GRHL2: variants seen among roughly 807,000 people sequenced by gnomAD.
The protein encoded by GRHL2 is grainyhead-like protein 2 homolog.
Under a neutral mutation model 83.8 loss-of-function variants are expected in GRHL2, and 21 were observed. That is an observed-to-expected ratio of 0.25 (90% CI 0.18 to 0.36). The LOEUF (loss-of-function observed/expected upper bound fraction) is 0.36, where lower values mean the gene tolerates loss of function less well. GRHL2 is among the 10% of genes least tolerant of loss of function. The pLI is 1.00. For synonymous variants in GRHL2, 280 were observed against 278.9 expected, an observed-to-expected ratio of 1.00 and a Z score of -0.04; for missense variants, 623 against 781.8, an observed-to-expected ratio of 0.80 and a Z score of 2.42.
chr8:101,552,013 T>C (rs1382990808), intron 2 of GRHL2, among the ~76,000 whole-genome samples: 1 of 152,002 alleles, frequency 6.6e-6, no homozygotes, highest in African/African-American at 2.4e-5. Context: ...TTTTTTGTAT[T>C]TTTAGTAGAG....
At chr8:101,598,545 A>T (rs1325597880) in intron 7 of GRHL2, among the ~76,000 whole-genome samples, 1 of 150,388 alleles carries the variant, frequency 6.6e-6, no homozygotes, top group Non-Finnish European at 1.5e-5. Flanking sequence ...CGGCCCCAAA[A>T]GGAAATTTTA....
intron 7 of GRHL2, among the ~76,000 whole-genome samples, chr8:101,582,447 T>C (rs762353927): frequency 2.0e-5 from 3 of 152,146 alleles, no homozygotes; most frequent in African/African-American, 4.8e-5. Context: ...CATCTTAGAA[T>C]GGCAGGGAGA....
chr8:101,505,448 A>T (rs1407356206), intron 1 of GRHL2, among the ~76,000 whole-genome samples: 3 of 151,902 alleles, frequency 2.0e-5, no homozygotes, highest in African/African-American at 7.2e-5. Flanking sequence ...GTGGTGGTCC[A>T]TGCCTGTAAT....
chr8:101,535,426 A>C (rs1811024857), intron 1 of GRHL2, among the ~76,000 whole-genome samples: 1 of 152,226 alleles, frequency 6.6e-6, no homozygotes, highest in East Asian at 1.9e-4. Context: ...AAGGCAGGAC[A>C]AAGGCCAGTG....
chr8:101,646,786 C>T (rs1046748754), intron 13 of GRHL2, among the ~76,000 whole-genome samples: 18 of 152,308 alleles, frequency 1.2e-4, no homozygotes, highest in Admixed American at 3.3e-4. Flanking sequence ...GTTGTTCTTG[C>T]GACTATCAGC....
the GRHL2 span, among the ~76,000 whole-genome samples, chr8:101,678,391 GCAC>G: frequency 1.3e-5 from 2 of 151,388 alleles, no homozygotes; most frequent in African/African-American, 4.8e-5. Flanking sequence ...AAAAAACGGC[GCAC>G]CACGAGATTA....
At chr8:101,600,508 C>T (rs779362386) in intron 8 of GRHL2, among the ~76,000 whole-genome samples, 2 of 152,238 alleles carry the variant, frequency 1.3e-5, no homozygotes, top group African/African-American at 4.8e-5. Flanking sequence ...CTAGTGCCTC[C>T]TTATTCCAGC....
rs147549251 is a variant in GRHL2, at chr8:101,575,027, C to T, written c.891+1203C>T. Among the ~76,000 whole-genome samples the T allele has an allele frequency of 2.4e-4, 37 of 152,204 alleles. No homozygotes were observed. In the East Asian group the frequency reaches 4.1e-3, roughly 17 times the overall value. On this transcript the variant is annotated intron_variant, in intron 6 of 15. Coordinates refer to ENST00000646743, the MANE Select transcript of GRHL2 (RefSeq NM_024915.4). The stretch of plus-strand genomic sequence containing the variant: ...GAGGGAACCAGGATCTACCCCAGGG[C>T]GTCGGACTCCTGAACCCAACTCTCT...
chr8:101,551,993 G>C (rs1353504165), intron 2 of GRHL2, among the ~76,000 whole-genome samples: 1 of 151,546 alleles, frequency 6.6e-6, no homozygotes, highest in Non-Finnish European at 1.5e-5. Context: ...CTGCCACCAC[G>C]CCCAGCTAAT....
chr8:101,498,679 C>T (rs1250760631), intron 1 of GRHL2, among the ~76,000 whole-genome samples: 2 of 152,116 alleles, frequency 1.3e-5, no homozygotes, highest in Non-Finnish European at 2.9e-5. Context: ...CCCAGTGCCA[C>T]CTGACTTAAG....
intron 8 of GRHL2, among the ~76,000 whole-genome samples, chr8:101,608,138 A>T (rs910223894): frequency 4.6e-5 from 7 of 152,226 alleles, no homozygotes; most frequent in Non-Finnish European, 1.0e-4. Context: ...ATCTATATGC[A>T]TTATGCAATA....
chr8:101,553,826 C>A (rs1255819218), intron 3 of GRHL2, among the ~76,000 whole-genome samples: 1 of 150,722 alleles, frequency 6.6e-6, no homozygotes, highest in African/African-American at 2.5e-5. Context: ...CAGAGTTTCA[C>A]TATATTGGCC....
intron 1 of GRHL2, among the ~76,000 whole-genome samples, chr8:101,525,909 G>A (rs558936882): frequency 6.6e-6 from 1 of 152,338 alleles, no homozygotes; most frequent in South Asian, 2.1e-4. Context: ...GGAGGTTACA[G>A]TGAGCTGAGA....
chr8:101,505,699 A>T (rs917576198), intron 1 of GRHL2, among the ~76,000 whole-genome samples: 5 of 152,130 alleles, frequency 3.3e-5, no homozygotes, highest in Admixed American at 6.5e-5. Flanking sequence ...TTTAGCAAAC[A>T]TTCTATAAGG....
chr8:101,616,239 C>T (rs1039656179), intron 8 of GRHL2, among the ~76,000 whole-genome samples: 7 of 151,596 alleles, frequency 4.6e-5, no homozygotes, highest in African/African-American at 1.5e-4. Context: ...GGCATGATCT[C>T]GGCTCACTGC....
At chr8:101,547,385 A>C (rs16867824) in intron 2 of GRHL2, among the ~76,000 whole-genome samples, 7,164 of 152,212 alleles carry the variant, frequency 0.047, 531 homozygotes, top group African/African-American at 0.16. Context: ...ATTTTTCCTC[A>C]CTCCTGAAGT....
intron 1 of GRHL2, among the ~76,000 whole-genome samples, chr8:101,535,383 G>C (rs1347364326): frequency 6.6e-6 from 1 of 152,116 alleles, no homozygotes; most frequent in Non-Finnish European, 1.5e-5. Flanking sequence ...AGGTTTTCCA[G>C]ATCCCAGGGT....
intron 4 of GRHL2, chr8:101,562,253 G>C (rs545989059): frequency 5.7e-5 from 34 of 598,750 alleles, no homozygotes; most frequent in Non-Finnish European, 1.0e-4. Context: ...ACTGGTATTC[G>C]ATAGGTTCAT....
chr8:101,545,870 A>ATTTT lies in GRHL2; in HGVS notation c.216+2461_216+2464dup, dbSNP rs1174568425. ...GATCATTACAACTTCTCTTTGTAAC[A>ATTTT]TTTTTTTTTTTTTTTTTTTTTTTTT... On this transcript the variant is annotated intron_variant, in intron 2 of 15. Coordinates refer to ENST00000646743, the MANE Select transcript of GRHL2 (RefSeq NM_024915.4). 8.4e-4 allele frequency among the ~76,000 whole-genome samples: 70 copies of ATTTT among 83,634 alleles called. 13 individuals carry two copies. The highest frequency in any genetic ancestry group is 1.7e-3 in the African/African-American group (36 of 20,920). 54.9% of individuals were successfully genotyped at this position (83,634 alleles called of 152,430 possible). A position where few individuals can be genotyped will look rare whatever the true frequency, so the allele number is the denominator to read the frequency against.
Sources: allele counts gnomAD v4.1 joint callset (sites outside exome capture counted in the v4.1 genomes callset), GRCh38; gene constraint gnomAD v4.1.1; transcripts MANE v1.5; gene names NCBI Gene and HGNC (gene_info 2026-07-23, HGNC 2026-07-21).